Variants in PNKD observed in about 807,000 individuals in gnomAD.
PNKD encodes the protein probable thioesterase PNKD.
A neutral mutation model predicts 45.3 loss-of-function variants in PNKD; 36 were observed. The ratio of observed to expected loss-of-function variants is 0.80; its 90% CI spans 0.61 to 1.05. The LOEUF is 1.05. Among genes scored for constraint, PNKD ranks in the 50% least tolerant of loss-of-function variants. The pLI, the probability that PNKD is intolerant of heterozygous loss-of-function variation, is 0.00. For missense variants in PNKD, 511 were observed against 506.6 expected (o/e 1.01, Z -0.08); for synonymous variants, 197 against 210.1 (o/e 0.94, Z 0.54).
intron 2 of PNKD, among the ~76,000 whole-genome samples, chr2:218,282,639 G>A (rs1233212854): frequency 3.3e-5 from 5 of 152,230 alleles, no homozygotes; most frequent in Admixed American, 2.6e-4. Flanking sequence ...TGACGGGGAT[G>A]CCAGGCCTGG....
In PNKD at chr2:218,270,535, C is replaced by T. The variant is rs765614612; in HGVS notation, c.-1C>T. The stretch of plus-strand genomic sequence containing the variant: ...CGGTGAAGCGGGGGTGGGATCTGAA[C>T]ATGGCGGCGGTGGTAGCTGCTACGG... On this transcript the variant is annotated 5_prime_UTR_variant, in exon 1 of 10. Coordinates refer to ENST00000273077, the MANE Select transcript of PNKD (RefSeq NM_015488.5). The T allele has an allele frequency of 8.1e-7, 1 of 1,233,770 alleles. No homozygotes were observed. The highest frequency in any genetic ancestry group is 1.1e-6 in the Non-Finnish European group (1 of 949,720). The allele number at this position is 1,233,770 out of a possible 1,614,324, so 76.4% of individuals were successfully genotyped here.
intron 2 of PNKD, chr2:218,318,024 A>ACCG (rs1693862899): frequency 6.6e-6 from 1 of 152,334 alleles, no homozygotes; most frequent in Non-Finnish European, 1.5e-5. Context: ...CATCATCATC[A>ACCG]TCACCACCAG....
chr2:218,288,130 A>G (rs1230791098), intron 2 of PNKD, among the ~76,000 whole-genome samples: 1 of 152,206 alleles, frequency 6.6e-6, no homozygotes, highest in Non-Finnish European at 1.5e-5. Context: ...CTAACCCCAA[A>G]AAAGAACTAG....
chr2:218,341,918 G>T (rs753222095), intron 6 of PNKD, 63 bp from the exon 7 acceptor site: 2 of 1,359,604 alleles, frequency 1.5e-6, no homozygotes, highest in East Asian at 2.3e-5. Context: ...GGCCTGGGAT[G>T]GGGACAGGGA....
intron 2 of PNKD, among the ~76,000 whole-genome samples, chr2:218,314,137 G>C (rs776936769): frequency 3.3e-5 from 5 of 150,356 alleles, no homozygotes; most frequent in Non-Finnish European, 7.4e-5. Flanking sequence ...TGGTCAGGCT[G>C]GTCTCAAACT....
chr2:218,342,441 T>C lies in PNKD; in HGVS notation c.781+297T>C, dbSNP rs150153411. On this transcript the variant is annotated intron_variant, in intron 7 of 9. Transcript: ENST00000273077. ...TAGGCCAGGCGTGGTGGCTCATGCC[T>C]GTAATCCCAGCACTTTGGGAGGCTG... 7.8e-3 allele frequency among the ~76,000 whole-genome samples: 1,184 copies of C among 152,244 alleles called. 15 individuals carry two copies. The highest frequency in any genetic ancestry group is 0.027 in the African/African-American group (1,111 of 41,516).
rs917420845 is a variant in PNKD, at chr2:218,326,111, A to G, written c.237-13672A>G. On this transcript the variant is annotated intron_variant, in intron 2 of 9. Transcript: ENST00000273077. The surrounding 1 kb of genome is among the most constrained non-coding windows in gnomAD (Gnocchi z 4.1). ...AGGACATGATGGGGAGGGGGAGGGC[A>G]CATGCACTACCAACCTGAAGGTGTG... Among the ~76,000 whole-genome samples the G allele has an allele frequency of 6.6e-6, 1 of 152,038 alleles. No homozygotes were observed. Among genetic ancestry groups the G allele is most frequent in the Non-Finnish European group, 1.5e-5 (1 of 67,998 alleles).
rs76189264 is a variant in PNKD, at chr2:218,301,924, C to T, written c.236+30375C>T. On this transcript the variant is annotated intron_variant, in intron 2 of 9. Transcript: ENST00000273077. The stretch of plus-strand genomic sequence containing the variant: ...GGATACAGAAGTAAATAAAATACAG[C>T]CCCCGCTTTCTTGGAGTTTACAGTC... 3.4e-3 allele frequency among the ~76,000 whole-genome samples: 524 copies of T among 152,292 alleles called. 5 individuals are homozygous for T. The highest frequency in any genetic ancestry group is 9.7e-3 in the African/African-American group (405 of 41,568).
At chr2:218,310,688 T>C (rs1415357233) in intron 2 of PNKD, among the ~76,000 whole-genome samples, 1 of 146,294 alleles carries the variant, frequency 6.8e-6, no homozygotes, top group African/African-American at 2.6e-5. Flanking sequence ...GCCTCCCAGG[T>C]TCAAGCGATT....
intron 2 of PNKD, among the ~76,000 whole-genome samples, chr2:218,338,818 G>T (rs556682420): frequency 7.0e-6 from 1 of 142,194 alleles, no homozygotes; most frequent in African/African-American, 2.6e-5. Flanking sequence ...TTTGAGACAG[G>T]GTCTTGTTTT....
At chr2:218,273,822 G>C (rs1038097820) in intron 2 of PNKD, among the ~76,000 whole-genome samples, 2 of 152,046 alleles carry the variant, frequency 1.3e-5, no homozygotes, top group African/African-American at 2.4e-5. Flanking sequence ...TGTAAGATGG[G>C]ACTGGAGTTG....
At chr2:218,339,682 G>A (rs1694610369) in intron 2 of PNKD, 101 bp from the exon 3 acceptor site, 2 of 753,400 alleles carry the variant, frequency 2.7e-6, no homozygotes, top group Non-Finnish European at 2.4e-6. Flanking sequence ...GGCTCACAGG[G>A]TCACCAAAGG....
In PNKD at chr2:218,270,574, G is replaced by A; in HGVS notation, c.39G>A (p.Arg13=). ...TAGCTGCTACGGCGCTGAAGGGCCG[G>A]GGGGCGAGAAATGCCCGCGTCCTCC... ...AVVAATALKG[R]GARNARVLRG... is the part of the protein sequence containing the mutation. Residue 13 remains arginine, a synonymous_variant, in exon 1 of 10, where the codon CGG becomes CGA. Transcript: ENST00000273077. 2 of 1,194,068 alleles carry A rather than the reference G, an allele frequency of 1.7e-6. No individual in the cohort carries two copies. The highest frequency in any genetic ancestry group is 2.2e-6 in the Non-Finnish European group (2 of 923,860). 74.0% of individuals were successfully genotyped at this position (1,194,068 alleles called of 1,614,324 possible).
rs770073859 is a variant in PNKD at position 218,340,075 on chromosome 2, C to T, written c.399C>T (p.Tyr133=). The T allele has an allele frequency of 1.2e-6, 2 of 1,614,008 alleles. No individual in the cohort carries two copies. Among genetic ancestry groups the T allele is most frequent in the Admixed American group, 3.3e-5 (2 of 60,020 alleles). The change falls in exon 4 of 10, where the codon TAC becomes TAT. Residue 133 remains tyrosine (Y), a synonymous_variant. Coordinates refer to ENST00000273077, the MANE Select transcript of PNKD (RefSeq NM_015488.5). The surrounding 1 kb of genome is among the most constrained non-coding windows in gnomAD (Gnocchi z 4.2). The part of the protein sequence containing the change: ...PIPVLSDNYS[Y]LIIDTQAQLA... ...CTGTCCTCTCGGACAACTACAGCTACCTCATCATCGACACCCAGGCCCAGC... is the reference window on the plus strand; with the variant it reads ...CTGTCCTCTCGGACAACTACAGCTATCTCATCATCGACACCCAGGCCCAGC...
intron 2 of PNKD, among the ~76,000 whole-genome samples, chr2:218,315,083 TCTCTCTCTCTCTCC>T (rs1693765559): frequency 1.4e-5 from 1 of 71,562 alleles, no homozygotes; most frequent in Non-Finnish European, 3.2e-5. Context: ...CCTTTCTTTC[TCTCTCTCTCTCTCC>T]TTCCTTCCTT....
Position 218,345,058 on chromosome 2 carries a change from T to C in PNKD, c.*77T>C, listed in dbSNP as rs1694795094. On this transcript the variant is annotated 3_prime_UTR_variant, in exon 10 of 10. Transcript: ENST00000273077. The stretch of plus-strand genomic sequence containing the variant: ...CACCAACACCTCATCATCCTTCTCA[T>C]CGCTAACACCACCACCTCCATCGGC... 3 of 1,147,064 alleles carry C rather than the reference T, an allele frequency of 2.6e-6. No homozygotes were observed. The highest frequency in any genetic ancestry group is 1.5e-5 in the African/African-American group (1 of 64,714). 71.1% of individuals were successfully genotyped at this position (1,147,064 alleles called of 1,614,324 possible).
Position 218,345,659 on chromosome 2 carries a change from C to CCT in PNKD, c.*680_*681dup, listed in dbSNP as rs397775550. Reference sequence around the variant, plus strand: ...AGGAGGGTCCTGATTGCCAAGGAAACCTCCTCATTGGGCTAAGGAGACACT... The same window carrying CCT: ...AGGAGGGTCCTGATTGCCAAGGAAACCTCTCCTCATTGGGCTAAGGAGACACT... On this transcript the variant is annotated 3_prime_UTR_variant, in exon 10 of 10. Transcript: ENST00000273077. The CCT allele has an allele frequency of 0.063, 9,684 of 152,732 alleles. 406 individuals carry two copies. The highest frequency in any genetic ancestry group is 0.16 in the East Asian group (864 of 5,292). The allele number at this position is 152,732 out of a possible 1,614,324, so 9.5% of individuals were successfully genotyped here.
intron 2 of PNKD, among the ~76,000 whole-genome samples, chr2:218,300,701 A>G (rs960428837): frequency 6.6e-6 from 1 of 151,384 alleles, no homozygotes; most frequent in Non-Finnish European, 1.5e-5. Context: ...ATGCCCCACC[A>G]CGCCCAGCCA....
chr2:218,278,537 G>C, intron 2 of PNKD: 1 of 1,614,190 alleles, frequency 6.2e-7, no homozygotes, highest in African/African-American at 1.3e-5. Flanking sequence ...CAGCAGGCAA[G>C]GATCAGGTAG....
Sources: gnomAD v4.1 joint callset for allele counts (sites outside exome capture counted in the v4.1 genomes callset) on GRCh38, gnomAD v4.1.1 for gene constraint, Gnocchi (gnomAD v3.1) non-coding constraint, MANE v1.5 for transcripts, NCBI Gene and HGNC (gene_info 2026-07-23, HGNC 2026-07-21) for gene names.